PGM1: variants seen among roughly 807,000 people sequenced by gnomAD.
PGM1 encodes the protein phosphoglucomutase 1, also known as phosphoglucomutase-1.
Under a neutral mutation model 55.6 loss-of-function variants are expected in PGM1, and 52 were observed. The ratio of observed to expected loss-of-function variants is 0.94; its 90% CI spans 0.75 to 1.18. The LOEUF is 1.18. Ranked by LOEUF, PGM1 falls within the 50% of genes most tolerant of loss-of-function variation. The probability of loss-of-function intolerance (pLI) is 0.00; values close to 1 mark genes in which losing one functional copy is unlikely to be tolerated. For synonymous variants in PGM1, 287 were observed against 271.7 expected (o/e 1.06, Z -0.55); for missense variants, 724 against 729.3 (o/e 0.99, Z 0.08).
chr1:63,609,696 A>C (rs1186309358), intron 1 of PGM1, among the ~76,000 whole-genome samples: 1 of 152,218 alleles, frequency 6.6e-6, no homozygotes, highest in Non-Finnish European at 1.5e-5. Context: ...CACACCTCCC[A>C]GTCCACCACG....
At chr1:63,659,396 A>G (rs1436831195) in intron 10 of PGM1, among the ~76,000 whole-genome samples, 190 bp from the exon 11 acceptor site, 1 of 152,206 alleles carries the variant, frequency 6.6e-6, no homozygotes, top group Admixed American at 6.5e-5. Context: ...GAAAGACTGT[A>G]GTGTTGATCC....
chr1:63,633,947 T>TTA (rs1557433852), intron 4 of PGM1, among the ~76,000 whole-genome samples: 19 of 119,774 alleles, frequency 1.6e-4, no homozygotes, highest in African/African-American at 3.3e-4. Flanking sequence ...TTTTTTTTTT[T>TTA]TTTTTTTTTT....
At chr1:63,625,923 C>G (rs908131438) in intron 1 of PGM1, among the ~76,000 whole-genome samples, 1 of 152,094 alleles carries the variant, frequency 6.6e-6, no homozygotes, top group Admixed American at 6.6e-5. Flanking sequence ...AGAGCAGGAC[C>G]CATGTGCATG....
intron 1 of PGM1, among the ~76,000 whole-genome samples, chr1:63,618,172 TTAAG>T (rs1450411261): frequency 6.6e-6 from 1 of 152,164 alleles, no homozygotes; most frequent in Non-Finnish European, 1.5e-5. Flanking sequence ...CACAAAGAGG[TTAAG>T]TAACTTGTCC....
intron 10 of PGM1, among the ~76,000 whole-genome samples, chr1:63,655,506 T>C (rs1258147088): frequency 2.0e-5 from 3 of 152,002 alleles, no homozygotes; most frequent in Non-Finnish European, 4.4e-5. Flanking sequence ...TCTTCAGAAG[T>C]ATATCAGAGT....
intron 7 of PGM1, among the ~76,000 whole-genome samples, chr1:63,646,054 A>T (rs1156668655): frequency 6.6e-6 from 1 of 152,150 alleles, no homozygotes; most frequent in East Asian, 1.9e-4. Context: ...TGCCTAGGGA[A>T]GTTGGGAGCT....
intron 10 of PGM1, among the ~76,000 whole-genome samples, chr1:63,658,926 T>A (rs965076521): frequency 8.5e-5 from 13 of 152,178 alleles, no homozygotes; most frequent in Non-Finnish European, 1.3e-4. Context: ...ATGTCTTACA[T>A]GAATGGCAGC....
At chr1:63,620,862 C>T (rs1648862956) in intron 1 of PGM1, among the ~76,000 whole-genome samples, 3 of 152,100 alleles carry the variant, frequency 2.0e-5, no homozygotes, top group South Asian at 2.1e-4. Context: ...GCAATGCAGG[C>T]GAATTCATTA....
chr1:63,624,371 G>C (rs773774241), intron 1 of PGM1, among the ~76,000 whole-genome samples: 3 of 152,206 alleles, frequency 2.0e-5, no homozygotes, highest in Non-Finnish European at 2.9e-5. Context: ...CAGCAGGGTA[G>C]AGATAATAAC....
At chr1:63,627,929 C>T (rs1474457419) in intron 1 of PGM1, among the ~76,000 whole-genome samples, 1 of 152,142 alleles carries the variant, frequency 6.6e-6, no homozygotes, top group Non-Finnish European at 1.5e-5. Context: ...TACTTTCCCC[C>T]ACCATGGCCG....
At chr1:63,635,163 T>C (rs576216662) in intron 5 of PGM1, 144 bp downstream of exon 5, 57 of 694,540 alleles carry the variant, frequency 8.2e-5, no homozygotes, top group Admixed American at 1.9e-4. Flanking sequence ...ACTAAATTAT[T>C]AGAAGCCCCT....
chr1:63,632,430 G>T (rs2100984557), intron 4 of PGM1, among the ~76,000 whole-genome samples: 1 of 152,282 alleles, frequency 6.6e-6, no homozygotes, highest in Middle Eastern at 3.4e-3. Flanking sequence ...AACCCTTTTA[G>T]TGATGCAATT....
intron 9 of PGM1, 21 bp downstream of exon 9, chr1:63,651,873 A>T (rs1649820187): frequency 1.2e-6 from 2 of 1,602,506 alleles, no homozygotes; most frequent in East Asian, 4.5e-5. Context: ...ACCGGTGTGT[A>T]AGTGAGAGAG....
At position 63,638,737 on chromosome 1, in the gene PGM1, T is replaced by A. The variant is rs1405574547; in HGVS notation, c.1081T>A (p.Phe361Ile). ...GTATGAGACCCCAACTGGCTGGAAG[T>A]TTTTTGGGAATTTGATGGACGCGAG... ...ALYETPTGWK[F>I]FGNLMDASKL... is the part of the protein sequence containing the mutation. Residue 361 changes from phenylalanine to isoleucine, a missense_variant, in exon 7 of 11, where the codon TTT becomes ATT. Physicochemically the swap from Phe to Ile is conservative, Grantham distance 21. Coordinates refer to ENST00000371084, the MANE Select transcript of PGM1 (RefSeq NM_002633.3). The A allele has an allele frequency of 6.2e-7, 1 of 1,614,016 alleles. No homozygotes were observed. The highest frequency in any genetic ancestry group is 8.5e-7 in the Non-Finnish European group (1 of 1,179,952).
intron 1 of PGM1, among the ~76,000 whole-genome samples, chr1:63,608,348 A>G (rs1648479703): frequency 6.6e-6 from 1 of 152,246 alleles, no homozygotes; most frequent in Non-Finnish European, 1.5e-5. Context: ...TAGGAGCTGT[A>G]CAAAATGGGA....
chr1:63,636,164 C>CGTGTTAAAAATGCAGTATGGAAAGGAGAT, intron 5 of PGM1, 70 bp from the exon 6 acceptor site: 1 of 1,402,510 alleles, frequency 7.1e-7, no homozygotes, highest in Non-Finnish European at 1.0e-6. Flanking sequence ...TATAAAACCC[C>CGTGTTAAAAATGCAGTATGGAAAGGAGAT]CATGAAAGAT....
Position 63,635,019 on chromosome 1 carries a change from G to T in PGM1, c.873G>T (p.Gly291=). Residue 291 remains glycine, a splice_region_variant and synonymous_variant, in exon 5 of 11, where the codon GGG becomes GGT. Coordinates refer to ENST00000371084, the MANE Select transcript of PGM1 (RefSeq NM_002633.3). Reference sequence around the variant, plus strand: ...TTGGGGCTGCCTTTGATGGAGATGGGGTGGGTATAAGTGCATTTAAGTGAA... The same window carrying T: ...TTGGGGCTGCCTTTGATGGAGATGGTGTGGGTATAAGTGCATTTAAGTGAA... ...HDFGAAFDGD[G]DRNMILGKHG... 1 of 1,613,406 alleles carries T rather than the reference G, an allele frequency of 6.2e-7. No individual in the cohort carries two copies. Among genetic ancestry groups the T allele is most frequent in the Non-Finnish European group, 8.5e-7 (1 of 1,179,546 alleles).
chr1:63,636,667 T>C (rs939410623), intron 6 of PGM1, among the ~76,000 whole-genome samples: 6 of 152,202 alleles, frequency 3.9e-5, no homozygotes, highest in African/African-American at 1.4e-4. Flanking sequence ...ACTGTATACT[T>C]CTGCAGAGAA....
intron 1 of PGM1, among the ~76,000 whole-genome samples, chr1:63,624,311 G>T (rs1399651960): frequency 6.6e-6 from 1 of 152,194 alleles, no homozygotes; most frequent in East Asian, 1.9e-4. Flanking sequence ...AGGGGCACCT[G>T]CTTATAATGA....
Sources: gnomAD v4.1 joint callset for allele counts (sites outside exome capture counted in the v4.1 genomes callset) on GRCh38, gnomAD v4.1.1 for gene constraint, MANE v1.5 for transcripts, NCBI Gene and HGNC (gene_info 2026-07-23, HGNC 2026-07-21) for gene names.